Variants in RBM20 observed in about 807,000 individuals in gnomAD.
The protein encoded by RBM20 is RNA-binding protein 20.
Under a neutral mutation model 110.1 loss-of-function variants are expected in RBM20, and 51 were observed. The ratio of observed to expected loss-of-function variants is 0.46; its 90% CI spans 0.37 to 0.59. RBM20 has a LOEUF of 0.59. Among genes scored for constraint, RBM20 ranks in the 20% least tolerant of loss-of-function variants. The pLI, the probability that RBM20 is intolerant of heterozygous loss-of-function variation, is 0.00. For missense variants in RBM20, 1,512 were observed against 1,574.9 expected (o/e 0.96, Z 0.68); for synonymous variants, 589 against 618.2 (o/e 0.95, Z 0.70).
chr10:110,665,183 C>A (rs1402620678), intron 1 of RBM20, among the ~76,000 whole-genome samples: 1 of 152,130 alleles, frequency 6.6e-6, no homozygotes, highest in Non-Finnish European at 1.5e-5. Flanking sequence ...TCAGAAAATT[C>A]TTCATAGAAG....
intron 1 of RBM20, among the ~76,000 whole-genome samples, chr10:110,662,195 A>G (rs1455964471): frequency 6.6e-6 from 1 of 152,218 alleles, no homozygotes; most frequent in Non-Finnish European, 1.5e-5. Flanking sequence ...TGAAGGGATG[A>G]GGAAAGAAAA....
At chr10:110,784,496 T>A (rs892127038) in intron 4 of RBM20, 64 bp downstream of exon 4, 3 of 1,199,796 alleles carry the variant, frequency 2.5e-6, no homozygotes, top group Admixed American at 4.0e-5. Context: ...GCACATTATG[T>A]CCTGTCTTTA....
At chr10:110,725,569 C>A (rs1309132032) in intron 1 of RBM20, among the ~76,000 whole-genome samples, 4 of 152,140 alleles carry the variant, frequency 2.6e-5, no homozygotes, top group Non-Finnish European at 5.9e-5. Context: ...AAAAGCAAGA[C>A]AATCTGATTG....
At chr10:110,826,135 T>C (rs1590704287) in intron 12 of RBM20, among the ~76,000 whole-genome samples, 2 of 152,360 alleles carry the variant, frequency 1.3e-5, no homozygotes, top group Middle Eastern at 6.8e-3. Context: ...CAGTTTTCCC[T>C]GCGACCTTGA....
At chr10:110,782,216 C>A (rs973345387) in intron 2 of RBM20, among the ~76,000 whole-genome samples, 5 of 152,154 alleles carry the variant, frequency 3.3e-5, no homozygotes, top group African/African-American at 1.2e-4. Context: ...GAGGGCTTCT[C>A]CCCCGTAGTA....
chr10:110,700,338 A>G (rs1862739126), intron 1 of RBM20, among the ~76,000 whole-genome samples: 1 of 152,216 alleles, frequency 6.6e-6, no homozygotes, highest in South Asian at 2.1e-4. Context: ...ACAGAGACCT[A>G]GAGGTTTCAT....
chr10:110,727,143 CTTTTTTTTTTTTT>C (rs57606079), intron 1 of RBM20, among the ~76,000 whole-genome samples: 36 of 80,654 alleles, frequency 4.5e-4, no homozygotes, highest in Non-Finnish European at 5.5e-4. Context: ...TGCACCCAGC[CTTTTTTTTTTTTT>C]TTTTTTTTTT....
intron 5 of RBM20, among the ~76,000 whole-genome samples, chr10:110,786,029 G>A (rs367544570): frequency 1.4e-4 from 22 of 152,026 alleles, no homozygotes; most frequent in Non-Finnish European, 5.9e-5. Flanking sequence ...ATACATTTTC[G>A]TCCTCCAAAG....
chr10:110,690,623 A>G (rs1297458902), intron 1 of RBM20, among the ~76,000 whole-genome samples: 1 of 152,222 alleles, frequency 6.6e-6, no homozygotes, highest in Non-Finnish European at 1.5e-5. Flanking sequence ...GGTATCTCAT[A>G]TAAGTAAAAC....
intron 7 of RBM20, among the ~76,000 whole-genome samples, chr10:110,802,723 C>T (rs2135085243): frequency 6.6e-6 from 1 of 152,338 alleles, no homozygotes; most frequent in South Asian, 2.1e-4. Flanking sequence ...GCACTGAGTG[C>T]TCACCGTGGG....
chr10:110,652,148 ATGC>A (rs1474694955), intron 1 of RBM20, among the ~76,000 whole-genome samples: 1 of 152,220 alleles, frequency 6.6e-6, no homozygotes, highest in African/African-American at 2.4e-5. Flanking sequence ...CATTAGAATG[ATGC>A]TGCTATTTTG....
rs908476377 is a variant in RBM20, at chr10:110,686,325, A to G, written c.191+41680A>G. 4.6e-5 allele frequency among the ~76,000 whole-genome samples: 7 copies of G among 151,332 alleles called. 1 individual carries two copies. Among genetic ancestry groups the G allele is most frequent in the Non-Finnish European group, 1.0e-4 (7 of 67,892 alleles). ...AATGATTCTTCCGCTTGGCCCCCCT[A>G]TAGTTAAGGTCATGGCTTCCTTCAA... On this transcript the variant is annotated intron_variant, in intron 1 of 13. Transcript: ENST00000369519.
intron 1 of RBM20, among the ~76,000 whole-genome samples, chr10:110,726,198 C>T (rs151115604): frequency 6.6e-6 from 1 of 152,188 alleles, no homozygotes; most frequent in East Asian, 1.9e-4. Flanking sequence ...GCTCTGACCA[C>T]GAAAGGGCTC....
intron 1 of RBM20, among the ~76,000 whole-genome samples, chr10:110,752,349 C>T (rs1466104839): frequency 2.0e-5 from 3 of 152,184 alleles, no homozygotes; most frequent in Non-Finnish European, 2.9e-5. Context: ...TTTAAGTTTA[C>T]TCCATGTGTT....
chr10:110,716,069 G>C (rs1470433055), intron 1 of RBM20, among the ~76,000 whole-genome samples: 1 of 152,212 alleles, frequency 6.6e-6, no homozygotes, highest in Non-Finnish European at 1.5e-5. Context: ...TTGTAAAAAG[G>C]GGATAATGTA....
intron 5 of RBM20, among the ~76,000 whole-genome samples, chr10:110,790,842 A>G (rs904604527): frequency 6.6e-6 from 1 of 152,186 alleles, no homozygotes. Context: ...TTAATCACAA[A>G]TCTGCCACTG....
At chr10:110,780,317 A>C (rs1844320391) in intron 1 of RBM20, among the ~76,000 whole-genome samples, 1 of 152,186 alleles carries the variant, frequency 6.6e-6, no homozygotes, top group Non-Finnish European at 1.5e-5. Context: ...TATAGTATTA[A>C]GCATCTTTGG....
intron 1 of RBM20, among the ~76,000 whole-genome samples, chr10:110,776,952 G>A (rs111518699): frequency 6.6e-6 from 1 of 152,308 alleles, no homozygotes; most frequent in African/African-American, 2.4e-5. Context: ...CTTCTTGGGT[G>A]TATTTAGATT....
intron 1 of RBM20, among the ~76,000 whole-genome samples, chr10:110,657,219 G>C (rs922004897): frequency 6.6e-6 from 1 of 151,838 alleles, no homozygotes; most frequent in Non-Finnish European, 1.5e-5. Context: ...ATTTCACCAT[G>C]TTAGCCAGGA....
Sources: allele counts gnomAD v4.1 joint callset (sites outside exome capture counted in the v4.1 genomes callset), GRCh38; gene constraint gnomAD v4.1.1; transcripts MANE v1.5; gene names NCBI Gene and HGNC (gene_info 2026-07-23, HGNC 2026-07-21).